Variants in APEH observed in about 807,000 individuals in gnomAD.
APEH encodes acylaminoacyl-peptide hydrolase, also known as acylamino-acid-releasing enzyme.
APEH carries 75 observed loss-of-function variants against 102.7 expected under a neutral mutation model. That is an observed-to-expected ratio of 0.73 (90% CI 0.61 to 0.89). The LOEUF is 0.89. Ranked by LOEUF, APEH falls within the 40% of genes least tolerant of loss-of-function variation. The pLI, the probability that APEH is intolerant of heterozygous loss-of-function variation, is 0.00. For synonymous variants in APEH, 344 were observed against 362.7 expected (o/e 0.95, Z 0.59); for missense variants, 863 against 941.2 (o/e 0.92, Z 1.09).
rs781511772 is a variant in APEH at position 49,682,749 on chromosome 3, C to CT, written c.1883+13_1883+14insT. 1 of 1,613,678 alleles carries CT rather than the reference C, an allele frequency of 6.2e-7. No homozygotes were observed. Among genetic ancestry groups the CT allele is most frequent in the South Asian group, 1.1e-5 (1 of 91,062 alleles). ...ACATCCCTGACTGGTAGGCATACAC[C>CT]ACAGGTCCCTGCCCTTCCCTCCTCT... On this transcript the variant is annotated intron_variant, in intron 19 of 21. Coordinates refer to ENST00000296456, the MANE Select transcript of APEH (RefSeq NM_001640.4).
rs1261133344 is a variant in APEH at position 49,681,735 on chromosome 3, T to C, written c.1452T>C (p.Phe484=). The C allele has an allele frequency of 6.3e-7, 1 of 1,595,390 alleles. No individual in the cohort carries two copies. Among genetic ancestry groups the C allele is most frequent in the South Asian group, 1.1e-5 (1 of 87,812 alleles). ...QENVQYAGLD[F]EAILLQPGSP... is the part of the protein sequence containing the mutation. ...CTCTCCCTGCAGCTGGCCTTGACTT[T>C]GAAGCAATCCTGCTGCAGCCTGGCA... The change falls in exon 16 of 22, where the codon TTT becomes TTC. Residue 484 remains phenylalanine (F), a synonymous_variant. Transcript: ENST00000296456.
At chr3:49,680,424 C>T (rs1228586296) in intron 13 of APEH, 117 bp from the exon 14 acceptor site, 22 of 894,004 alleles carry the variant, frequency 2.5e-5, no homozygotes, top group Non-Finnish European at 3.6e-5. Context: ...AAAGGCACTT[C>T]TCGGGGAGAA....
rs1276092202 is a variant in APEH at position 49,680,549 on chromosome 3, G to A, written c.1219G>A (p.Gly407Ser). Residue 407 changes from glycine to serine, a missense_variant, in exon 14 of 22, where the codon GGT (glycine) becomes AGT (serine). By Grantham distance (56) the Gly-to-Ser change is moderately conservative. Transcript: ENST00000296456. Reference protein sequence around the residue: ...TVTSLTAGGSGGSWKLLTIDQ... With the variant: ...TVTSLTAGGSSGSWKLLTIDQ... ...GCATCTGCCTTTTCCAGGAGGGTCAGGTGGGAGCTGGAAGTTGCTCACAAT... is the reference window on the plus strand; with the variant it reads ...GCATCTGCCTTTTCCAGGAGGGTCAAGTGGGAGCTGGAAGTTGCTCACAAT... 3 of 1,614,106 alleles carry A rather than the reference G, an allele frequency of 1.9e-6. No homozygotes were observed. Among genetic ancestry groups the A allele is most frequent in the Non-Finnish European group, 2.5e-6 (3 of 1,179,994 alleles).
intron 13 of APEH, 30 bp from the exon 14 acceptor site, chr3:49,680,511 T>G: frequency 6.3e-7 from 1 of 1,596,864 alleles, no homozygotes; most frequent in Non-Finnish European, 8.6e-7. Context: ...TGGCTCCTGC[T>G]AAGCACTTAA....
chr3:49,675,739 G>C lies in APEH; in HGVS notation c.318G>C (p.Leu106=). The part of the protein sequence containing the change: ...ESPSGTMKAV[L]RKAGGTGPGE... ...CTTCAGGCACCATGAAAGCTGTGCTGCGCAAGGCTGGAGGCACGGGCCCTG... is the reference window on the plus strand; with the variant it reads ...CTTCAGGCACCATGAAAGCTGTGCTCCGCAAGGCTGGAGGCACGGGCCCTG... Residue 106 remains leucine, a synonymous_variant, in exon 4 of 22, where the codon CTG becomes CTC. Transcript: ENST00000296456. 2.5e-6 allele frequency: 4 copies of C among 1,614,070 alleles called. No homozygotes were observed. Among genetic ancestry groups the C allele is most frequent in the Non-Finnish European group, 3.4e-6 (4 of 1,180,012 alleles).
chr3:49,678,757 G>T, intron 11 of APEH, 95 bp from the exon 12 acceptor site: 1 of 1,042,170 alleles, frequency 9.6e-7, no homozygotes. Context: ...CCTGAGTAGG[G>T]CCCTGGGTGA....
intron 4 of APEH, 49 bp from the exon 5 acceptor site, chr3:49,675,842 G>T: frequency 6.2e-7 from 1 of 1,613,200 alleles, no homozygotes; most frequent in Non-Finnish European, 8.5e-7. Flanking sequence ...CTGCCCCACA[G>T]ATAAGGCTCT....
chr3:49,677,627 C>T lies in APEH; in HGVS notation c.1054C>T (p.Leu352=), dbSNP rs751955569. The T allele has an allele frequency of 1.1e-5, 18 of 1,613,496 alleles. No individual in the cohort carries two copies. Among genetic ancestry groups the T allele is most frequent in the Non-Finnish European group, 1.5e-5 (18 of 1,179,578 alleles). Residue 352 remains leucine, a synonymous_variant, in exon 11 of 22, where the codon CTG becomes TTG. Coordinates refer to ENST00000296456, the MANE Select transcript of APEH (RefSeq NM_001640.4). Reference sequence around the variant, plus strand: ...GGTGGTAGATGTTGTGCCTCGGCAGCTGGGAGGTAAGGCATACCTGGCTGG... The same window carrying T: ...GGTGGTAGATGTTGTGCCTCGGCAGTTGGGAGGTAAGGCATACCTGGCTGG... ...SVVVDVVPRQ[L]GENFSGIYCS...
Position 49,681,216 on chromosome 3 carries a change from C to T in APEH, c.1415C>T (p.Pro472Leu), listed in dbSNP as rs984063699. 3 of 1,604,184 alleles carry T rather than the reference C, an allele frequency of 1.9e-6. No homozygotes were observed. Among genetic ancestry groups the T allele is most frequent in the Non-Finnish European group, 2.6e-6 (3 of 1,174,764 alleles). Residue 472 changes from proline to leucine, a missense_variant, in exon 15 of 22, where the codon CCA (proline) becomes CTA (leucine). Physicochemically the swap from Pro to Leu is moderately conservative, Grantham distance 98 (BLOSUM62 -3). Coordinates refer to ENST00000296456, the MANE Select transcript of APEH (RefSeq NM_001640.4). ...GGCATCCGGGTGCTACAGCCACCCC[C>T]AGAGCAAGAGAATGTGCAGTATGGT... is the stretch of plus-strand genomic sequence containing the variant. Reference protein sequence around the residue: ...HWGIRVLQPPPEQENVQYAGL... With the variant: ...HWGIRVLQPPLEQENVQYAGL...
chr3:49,673,693 C>T (rs187436470), upstream of APEH, among the ~76,000 whole-genome samples: 591 of 152,304 alleles, frequency 3.9e-3, 3 homozygotes, highest in African/African-American at 0.011. Flanking sequence ...GGGCCTGGCA[C>T]TGTGTAGTGA....
At chr3:49,680,009 G>A (rs1319248816) in intron 13 of APEH, 1 of 246,708 alleles carries the variant, frequency 4.1e-6, no homozygotes, top group African/African-American at 2.2e-5. Flanking sequence ...CTCAGGCAGA[G>A]GCAGCTCTGC....
chr3:49,682,979 C>T (rs756461632), intron 20 of APEH, 34 bp downstream of exon 20: 3 of 1,610,722 alleles, frequency 1.9e-6, no homozygotes, highest in African/African-American at 2.7e-5. Flanking sequence ...GTGTGCTGCC[C>T]ATCCATCCAG....
chr3:49,674,250 C>T, upstream of APEH: 2 of 1,005,468 alleles, frequency 2.0e-6, no homozygotes, highest in Non-Finnish European at 2.8e-6. Flanking sequence ...CCCCTGCCAA[C>T]GGTCCTCACC....
In APEH at chr3:49,682,864, T is replaced by C; in HGVS notation, c.1905T>C (p.Phe635=). 2.5e-6 allele frequency: 4 copies of C among 1,614,040 alleles called. No homozygotes were observed. Among genetic ancestry groups the C allele is most frequent in the Non-Finnish European group, 3.4e-6 (4 of 1,180,024 alleles). The stretch of plus-strand genomic sequence containing the variant: ...GCAGGTGCGTGGTGGAGGCTGGCTT[T>C]CCTTTCAGCAGTGACTGCCTGCCAG... ...IPDWCVVEAG[F]PFSSDCLPDL... Residue 635 remains phenylalanine (F), a synonymous_variant, in exon 20 of 22, where the codon TTT becomes TTC. Coordinates refer to ENST00000296456, the MANE Select transcript of APEH (RefSeq NM_001640.4).
chr3:49,676,655 G>A lies in APEH; in HGVS notation c.791G>A (p.Trp264Ter). The A allele has an allele frequency of 6.2e-7, 1 of 1,614,280 alleles. No homozygotes were observed. Among genetic ancestry groups the A allele is most frequent in the Non-Finnish European group, 8.5e-7 (1 of 1,180,058 alleles). Reference sequence around the variant, plus strand: ...GCTGGTGTGGTGTTTGTGGGCTGGTGGCATGAGCCCTTCCGGTTGGGCATC... The same window carrying A: ...GCTGGTGTGGTGTTTGTGGGCTGGTAGCATGAGCCCTTCCGGTTGGGCATC... ...GDAGVVFVGW[W>*]HEPFRLGIRF... The change falls in exon 8 of 22, where the codon TGG (tryptophan) becomes TAG (stop). Residue 264 changes from tryptophan (W) to a stop codon, truncating the protein, a stop_gained. Coordinates refer to ENST00000296456, the MANE Select transcript of APEH (RefSeq NM_001640.4). LOFTEE classifies it high-confidence loss of function.
rs1428062499 is a variant in APEH, at chr3:49,674,366, C to A, written c.-36C>A. ...CGGAAGCCTCACTTCCGGGCGCGAGCACGCCCCGCCTCGCCCCGGCGGCAG... is the reference window on the plus strand; with the variant it reads ...CGGAAGCCTCACTTCCGGGCGCGAGAACGCCCCGCCTCGCCCCGGCGGCAG... On this transcript the variant is annotated 5_prime_UTR_variant, in exon 1 of 22. Coordinates refer to ENST00000296456, the MANE Select transcript of APEH (RefSeq NM_001640.4). 6.5e-7 allele frequency: 1 copy of A among 1,548,348 alleles called. No individual in the cohort carries two copies. The highest frequency in any genetic ancestry group is 8.7e-7 in the Non-Finnish European group (1 of 1,153,650).
intron 3 of APEH, 97 bp from the exon 4 acceptor site, chr3:49,675,568 TAGAGGTGCTCCAGAAGCTGGTGTGGGGCC>T: frequency 1.9e-6 from 2 of 1,065,444 alleles, no homozygotes; most frequent in Middle Eastern, 2.3e-4. Flanking sequence ...AAGGTGGGGC[TAGAGGTGCTCCAGAAGCTGGTGTGGGGCC>T]AGAGCCTCAA....
At chr3:49,680,231 C>G (rs1311418219) in intron 13 of APEH, 1 of 384,206 alleles carries the variant, frequency 2.6e-6, no homozygotes, top group African/African-American at 2.1e-5. Context: ...CTCCCCGACC[C>G]CCAACTTCCC....
rs1201181045 is a variant in APEH, at chr3:49,677,643, A to C, written c.1060+10A>C. The C allele has an allele frequency of 6.2e-7, 1 of 1,612,266 alleles. No homozygotes were observed. The highest frequency in any genetic ancestry group is 1.7e-5 in the Admixed American group (1 of 60,012). ...CCTCGGCAGCTGGGAGGTAAGGCAT[A>C]CCTGGCTGGGTGGGTGCAGTGGGGC... On this transcript the variant is annotated intron_variant, in intron 11 of 21. Transcript: ENST00000296456.
Sources: gnomAD v4.1 joint callset for allele counts (sites outside exome capture counted in the v4.1 genomes callset) on GRCh38, gnomAD v4.1.1 for gene constraint, MANE v1.5 for transcripts, NCBI Gene and HGNC (gene_info 2026-07-23, HGNC 2026-07-21) for gene names.